Variants in NR1H4 observed in about 807,000 individuals in gnomAD.
NR1H4 encodes the protein bile acid receptor.
NR1H4 carries 23 observed loss-of-function variants against 58.5 expected under a neutral mutation model. The observed-to-expected ratio is 0.39, with a 90% confidence interval of 0.28 to 0.56. The LOEUF is 0.56. NR1H4 is among the 20% of genes least tolerant of loss of function. The pLI is 0.58. For synonymous variants in NR1H4, 214 were observed against 198.0 expected, an observed-to-expected ratio of 1.08 and a Z score of -0.68; for missense variants, 487 against 576.9, an observed-to-expected ratio of 0.84 and a Z score of 1.60.
intron 1 of NR1H4, among the ~76,000 whole-genome samples, chr12:100,485,789 C>T (rs1220328906): frequency 6.6e-6 from 1 of 152,138 alleles, no homozygotes; most frequent in African/African-American, 2.4e-5. Context: ...CCACCTCGGC[C>T]TCCCAAAGTG....
At chr12:100,549,076 C>T (rs1276831563) in intron 9 of NR1H4, among the ~76,000 whole-genome samples, 3 of 152,112 alleles carry the variant, frequency 2.0e-5, no homozygotes, top group South Asian at 2.1e-4. Flanking sequence ...CAGTGGCTCA[C>T]ACCTGTAATC....
intron 9 of NR1H4, among the ~76,000 whole-genome samples, chr12:100,546,628 G>T (rs1371208128): frequency 6.6e-6 from 1 of 152,090 alleles, no homozygotes; most frequent in Non-Finnish European, 1.5e-5. Context: ...CCAGGAGGTG[G>T]AGGCAGCAGT....
intron 4 of NR1H4, among the ~76,000 whole-genome samples, chr12:100,521,992 A>G (rs937476163): frequency 1.3e-5 from 2 of 152,158 alleles, no homozygotes; most frequent in African/African-American, 2.4e-5. Flanking sequence ...GGCAAACAAC[A>G]TGCTTTCCAA....
intron 10 of NR1H4, 47 bp from the exon 11 acceptor site, chr12:100,563,204 C>A: frequency 7.1e-7 from 1 of 1,408,702 alleles, no homozygotes; most frequent in Non-Finnish European, 1.0e-6. Context: ...TGAATTAATG[C>A]TTTTCCACTT....
intron 3 of NR1H4, among the ~76,000 whole-genome samples, chr12:100,507,551 A>C (rs549019544): frequency 7.9e-5 from 12 of 152,030 alleles, no homozygotes; most frequent in African/African-American, 2.9e-4. Flanking sequence ...CAACCACCAC[A>C]TCCCAGGTTC....
chr12:100,540,544 C>A, intron 8 of NR1H4, 128 bp from the exon 9 acceptor site: 1 of 977,802 alleles, frequency 1.0e-6, no homozygotes, highest in Non-Finnish European at 1.6e-6. Flanking sequence ...TACAAATGGA[C>A]TCAACTAGAC....
intron 6 of NR1H4, among the ~76,000 whole-genome samples, chr12:100,536,008 G>T (rs1954804511): frequency 6.6e-6 from 1 of 152,140 alleles, no homozygotes; most frequent in South Asian, 2.1e-4. Flanking sequence ...GAGTGTGACT[G>T]TGTTCCAATA....
Position 100,541,595 on chromosome 12 carries a change from T to C in NR1H4, c.1078+777T>C, listed in dbSNP as rs535705389. Among the ~76,000 whole-genome samples the C allele has an allele frequency of 1.2e-4, 17 of 146,556 alleles. No homozygotes were observed. In the East Asian group the frequency reaches 3.2e-3, roughly 27 times the overall value. ...CCGTGCCTGACTAAAGTTAACTTTT[T>C]TTTTCTTTTCTTTTTTTTTTTTTGA... On this transcript the variant is annotated intron_variant, in intron 9 of 10. Transcript: ENST00000392986.
rs563080405 is a variant in NR1H4, at chr12:100,491,147, G to A, written c.-189-1356G>A. Among the ~76,000 whole-genome samples the A allele has an allele frequency of 2.0e-5, 3 of 152,188 alleles. No individual in the cohort carries two copies. The East Asian group carries it at 5.8e-4, about 29-fold the overall frequency. ...TTCAGGACCTCCCGCTCCTATCAGA[G>A]CCTCCCTCCCCGACAACACCCCAGT... On this transcript the variant is annotated intron_variant, in intron 1 of 10. Coordinates refer to ENST00000392986, the MANE Select transcript of NR1H4 (RefSeq NM_001206979.2).
At chr12:100,560,693 C>T (rs1324567945) in intron 9 of NR1H4, among the ~76,000 whole-genome samples, 2 of 152,172 alleles carry the variant, frequency 1.3e-5, no homozygotes, top group African/African-American at 2.4e-5. Context: ...CCACCAATTC[C>T]GGACACACCA....
In NR1H4 at chr12:100,473,885, TG is replaced by T. The variant is rs1953214363; in HGVS notation, c.-363del. Reference sequence around the variant, plus strand: ...TAGCCCAGAAGGCCGCCTGTGATCATGCACAGTACACTGGAACTCTCTCCTC... The same window carrying T: ...TAGCCCAGAAGGCCGCCTGTGATCATCACAGTACACTGGAACTCTCTCCTC... On this transcript the variant is annotated 5_prime_UTR_variant, in exon 1 of 11. An upstream start codon of the reference 5' UTR is lost. Coordinates refer to ENST00000392986, the MANE Select transcript of NR1H4 (RefSeq NM_001206979.2). The T allele has an allele frequency of 6.6e-6, 1 of 152,290 alleles. No individual in the cohort carries two copies. The highest frequency in any genetic ancestry group is 2.4e-5 in the African/African-American group (1 of 41,460). 9.4% of individuals were successfully genotyped at this position (152,290 alleles called of 1,614,324 possible). A position where few individuals can be genotyped will look rare whatever the true frequency, so the allele number is the denominator to read the frequency against.
At chr12:100,522,696 C>T (rs1312174252) in intron 4 of NR1H4, among the ~76,000 whole-genome samples, 1 of 151,978 alleles carries the variant, frequency 6.6e-6, no homozygotes, top group East Asian at 1.9e-4. Flanking sequence ...AGTTTTTTAT[C>T]CCACACTTTT....
intron 9 of NR1H4, among the ~76,000 whole-genome samples, chr12:100,556,917 C>T (rs932240473): frequency 2.0e-5 from 3 of 152,150 alleles, no homozygotes; most frequent in Admixed American, 6.5e-5. Flanking sequence ...TAGCATACTT[C>T]GGGATCTTTT....
intron 9 of NR1H4, among the ~76,000 whole-genome samples, chr12:100,543,245 T>C (rs761519304): frequency 2.0e-5 from 3 of 151,978 alleles, no homozygotes; most frequent in Non-Finnish European, 4.4e-5. Flanking sequence ...TAGAAAGGAA[T>C]AAAAGAATCA....
intron 1 of NR1H4, among the ~76,000 whole-genome samples, chr12:100,476,438 G>A (rs1170204494): frequency 1.3e-5 from 2 of 152,138 alleles, no homozygotes; most frequent in African/African-American, 2.4e-5. Context: ...GAATATTTCC[G>A]TTATCAGCGT....
chr12:100,534,361 G>A (rs1458629855), intron 5 of NR1H4, among the ~76,000 whole-genome samples: 1 of 152,122 alleles, frequency 6.6e-6, no homozygotes, highest in Non-Finnish European at 1.5e-5. Flanking sequence ...GTTAACATTT[G>A]TTTTTCTCAA....
intron 9 of NR1H4, among the ~76,000 whole-genome samples, chr12:100,549,168 C>T (rs1955148448): frequency 6.6e-6 from 1 of 152,106 alleles, no homozygotes; most frequent in Non-Finnish European, 1.5e-5. Flanking sequence ...GAAACCCCAT[C>T]CCTACTAAAA....
chr12:100,536,016 A>G (rs1048113674), intron 6 of NR1H4, among the ~76,000 whole-genome samples: 1 of 152,206 alleles, frequency 6.6e-6, no homozygotes, highest in Non-Finnish European at 1.5e-5. Context: ...CTGTGTTCCA[A>G]TAAAACTTTA....
chr12:100,487,595 CT>C (rs34694873), intron 1 of NR1H4, among the ~76,000 whole-genome samples: 5,608 of 115,888 alleles, frequency 0.048, 97 homozygotes, highest in East Asian at 0.17. Context: ...TCTTCTTCTT[CT>C]TTTTTTTTTT....
Sources: gnomAD v4.1 joint callset for allele counts (sites outside exome capture counted in the v4.1 genomes callset) on GRCh38, gnomAD v4.1.1 for gene constraint, MANE v1.5 for transcripts, NCBI Gene and HGNC (gene_info 2026-07-23, HGNC 2026-07-21) for gene names.